The following ABCC9 variants were observed in gnomAD, a reference collection of about 807,000 sequenced individuals.
The protein encoded by ABCC9 is ATP-binding cassette sub-family C member 9.
Under a neutral mutation model 188.3 loss-of-function variants are expected in ABCC9, and 95 were observed. The ratio of observed to expected loss-of-function variants is 0.50; its 90% CI spans 0.43 to 0.60. The LOEUF (loss-of-function observed/expected upper bound fraction) is 0.60, where lower values mean the gene tolerates loss of function less well. Among genes scored for constraint, ABCC9 ranks in the 20% least tolerant of loss-of-function variants. The pLI is 0.00. For synonymous variants in ABCC9, 659 were observed against 652.7 expected, an observed-to-expected ratio of 1.01 and a Z score of -0.15; for missense variants, 1,102 against 1,876.3, an observed-to-expected ratio of 0.59 and a Z score of 7.62.
rs7980353 is a variant in ABCC9, at chr12:21,872,432, C to A, written c.2198+193G>T. ...TACTAGTTTATACTATTATAAACAA[C>A]CTTTGTAATAAATTGTTTTGTAACT... is the stretch of plus-strand genomic sequence containing the variant. On this transcript the variant is annotated intron_variant, in intron 18 of 39. Coordinates refer to ENST00000261200, the MANE Select transcript of ABCC9 (RefSeq NM_020297.4). 2.4e-3 allele frequency among the ~76,000 whole-genome samples: 361 copies of A among 152,176 alleles called. 1 individual carries two copies. Among genetic ancestry groups the A allele is most frequent in the African/African-American group, 8.3e-3 (346 of 41,538 alleles).
In ABCC9 at chr12:21,925,622, T is replaced by C. The variant is rs2277404; in HGVS notation, c.406+320A>G. 275,143 of 661,812 alleles carry C rather than the reference T, an allele frequency of 0.42. 61,094 individuals carry two copies. Among genetic ancestry groups the C allele is most frequent in the East Asian group, 0.53 (19,361 of 36,706 alleles). 41.0% of individuals were successfully genotyped at this position (661,812 alleles called of 1,614,324 possible). ...CGCAGCTCCTCACAAGAGCTCTGAT[T>C]CTTAAAATACAACTTCTGCAAGCCA... On this transcript the variant is annotated intron_variant, in intron 5 of 39. Transcript: ENST00000261200.
chr12:21,906,237 T>G lies in ABCC9; in HGVS notation c.1507A>C (p.Lys503Gln). The part of the protein sequence containing the change: ...KKTNEILKGI[K>Q]LLKLYAWEHI... ...TCCCAGGCATACAATTTTAGAAGTT[T>G]GATGCCTTTCAATATTTCATTTGTT... The change falls in exon 12 of 40, where the codon AAA becomes CAA. Residue 503 changes from lysine (K) to glutamine (Q), a missense_variant. Transcript: ENST00000261200. The G allele has an allele frequency of 1.9e-6, 3 of 1,612,952 alleles. No individual in the cohort carries two copies. The highest frequency in any genetic ancestry group is 2.5e-6 in the Non-Finnish European group (3 of 1,179,298).
chr12:21,902,069 T>G (rs1437829317), intron 12 of ABCC9, among the ~76,000 whole-genome samples: 2 of 152,154 alleles, frequency 1.3e-5, no homozygotes, highest in African/African-American at 4.8e-5. Flanking sequence ...TCAGCAAATG[T>G]AAAAGAACAG....
At chr12:21,858,808 A>G (rs1285398971) in intron 22 of ABCC9, among the ~76,000 whole-genome samples, 1 of 152,070 alleles carries the variant, frequency 6.6e-6, no homozygotes, top group Non-Finnish European at 1.5e-5. Context: ...TGGAGTGAAG[A>G]CTCTAAAAAT....
At chr12:21,870,158 T>A (rs961971426) in intron 18 of ABCC9, among the ~76,000 whole-genome samples, 1 of 152,200 alleles carries the variant, frequency 6.6e-6, no homozygotes, top group African/African-American at 2.4e-5. Context: ...AATTGGCACA[T>A]GGAATTTACT....
rs982107140 is a variant in ABCC9 at position 21,814,805 on chromosome 12, A to T, written c.4024-83T>A. On this transcript the variant is annotated intron_variant, in intron 34 of 39. Transcript: ENST00000261200. ...CTTAAGTTTTGTTTTTTAACTTAAG[A>T]TATTATGATAAAACTGTAATTATGT... 8 of 1,057,628 alleles carry T rather than the reference A, an allele frequency of 7.6e-6. No homozygotes were observed. The East Asian group carries it at 2.0e-4, about 26-fold the overall frequency. 65.5% of individuals were successfully genotyped at this position (1,057,628 alleles called of 1,614,324 possible). A position where few individuals can be genotyped will look rare whatever the true frequency, so the allele number is the denominator to read the frequency against.
At position 21,845,769 on chromosome 12, in the gene ABCC9, A is replaced by G; in HGVS notation, c.2930T>C (p.Met977Thr). ...GTAGCGCCAGCAGGTTTTCCATGGC[A>G]TTTTAGTCCTGAGCCTCATTACAGT... ...MSTVMRLRTKMPWKTCWRYLT... is the reference protein window; with the variant it reads ...MSTVMRLRTKTPWKTCWRYLT... The change falls in exon 26 of 40, where the codon ATG (methionine) becomes ACG (threonine). Residue 977 changes from methionine to threonine, a missense_variant. Physicochemically the swap from Met to Thr is moderately conservative, Grantham distance 81 (BLOSUM62 -1). Around this residue, in one of 12 missense-constraint regions of ABCC9, gnomAD observed 131 missense variants for 170.2 expected, o/e 0.77. Coordinates refer to ENST00000261200, the MANE Select transcript of ABCC9 (RefSeq NM_020297.4). 1 of 1,613,928 alleles carries G rather than the reference A, an allele frequency of 6.2e-7. No individual in the cohort carries two copies. The highest frequency in any genetic ancestry group is 8.5e-7 in the Non-Finnish European group (1 of 1,179,860).
chr12:21,931,213 A>G (rs867262994), intron 4 of ABCC9, among the ~76,000 whole-genome samples: 14 of 152,206 alleles, frequency 9.2e-5, no homozygotes, highest in African/African-American at 3.4e-4. Context: ...TCTCAACATT[A>G]TCAGTGAGTT....
Position 21,925,529 on chromosome 12 carries a change from G to A in ABCC9, c.406+413C>T, listed in dbSNP as rs1592249809. On this transcript the variant is annotated intron_variant, in intron 5 of 39. Coordinates refer to ENST00000261200, the MANE Select transcript of ABCC9 (RefSeq NM_020297.4). Reference sequence around the variant, plus strand: ...CTTGAACCTTGGGAAAATGTCCTTGGACTCCAAGCCAGAGACAGAAACACC... The same window carrying A: ...CTTGAACCTTGGGAAAATGTCCTTGAACTCCAAGCCAGAGACAGAAACACC... 5 of 702,434 alleles carry A rather than the reference G, an allele frequency of 7.1e-6. No individual in the cohort carries two copies. In the East Asian group the frequency reaches 1.3e-4, roughly 19 times the overall value. The allele number at this position is 702,434 out of a possible 1,614,324, so 43.5% of individuals were successfully genotyped here. A position where few individuals can be genotyped will look rare whatever the true frequency, so the allele number is the denominator to read the frequency against.
chr12:21,910,133 T>C, intron 10 of ABCC9, 24 bp downstream of exon 10: 1 of 1,597,906 alleles, frequency 6.3e-7, no homozygotes. Context: ...CAGACAAAAA[T>C]CTTACTTATA....
rs1941304954 is a variant in ABCC9, at chr12:21,799,053, C to T, written c.*1991G>A. ...ATAGGTGGGAATTGAACAATGAGATCACATGGACACAGGAAGGGGAATATC... is the reference window on the plus strand; with the variant it reads ...ATAGGTGGGAATTGAACAATGAGATTACATGGACACAGGAAGGGGAATATC... On this transcript the variant is annotated 3_prime_UTR_variant, in exon 40 of 40. Transcript: ENST00000261200. 7.1e-6 allele frequency: 1 copy of T among 141,364 alleles called. No homozygotes were observed. Among genetic ancestry groups the T allele is most frequent in the Admixed American group, 7.2e-5 (1 of 13,826 alleles). The allele number at this position is 141,364 out of a possible 1,614,324, so 8.8% of individuals were successfully genotyped here. A position where few individuals can be genotyped will look rare whatever the true frequency, so the allele number is the denominator to read the frequency against.
chr12:21,814,588 G>GT (rs113882813), intron 35 of ABCC9, 56 bp downstream of exon 35: 27 of 1,438,274 alleles, frequency 1.9e-5, no homozygotes, highest in Middle Eastern at 1.7e-4. Context: ...GTAAATTGAT[G>GT]TTTTTTTAAA....
intron 30 of ABCC9, among the ~76,000 whole-genome samples, chr12:21,833,711 T>G (rs1318383658): frequency 6.6e-6 from 1 of 152,196 alleles, no homozygotes; most frequent in Non-Finnish European, 1.5e-5. Context: ...TTCCTGAATC[T>G]ATTCAGATCC....
At chr12:21,898,141 G>A (rs1947515820) in intron 12 of ABCC9, among the ~76,000 whole-genome samples, 1 of 152,196 alleles carries the variant, frequency 6.6e-6, no homozygotes, top group African/African-American at 2.4e-5. Flanking sequence ...CTGGGTGATA[G>A]AGTGAGACCT....
intron 4 of ABCC9, among the ~76,000 whole-genome samples, chr12:21,929,014 G>T (rs180781697): frequency 1.1e-3 from 163 of 152,036 alleles, no homozygotes; most frequent in Non-Finnish European, 1.9e-3. Context: ...AAAGGTGAAA[G>T]AAATCATTTT....
Position 21,805,432 on chromosome 12 carries a change from G to A in ABCC9, c.4512+566C>T, listed in dbSNP as rs1565679961. On this transcript the variant is annotated intron_variant, in intron 39 of 39. Transcript: ENST00000261200. Reference sequence around the variant, plus strand: ...ATGAGCAAGAATCCACTTGCAAAGAGGAAAAGGCAGAAAACTGTGGACTAC... The same window carrying A: ...ATGAGCAAGAATCCACTTGCAAAGAAGAAAAGGCAGAAAACTGTGGACTAC... 1.2e-5 allele frequency: 11 copies of A among 911,192 alleles called. No homozygotes were observed. In the East Asian group the frequency reaches 2.8e-4, roughly 23 times the overall value. The allele number at this position is 911,192 out of a possible 1,614,324, so 56.4% of individuals were successfully genotyped here.
chr12:21,903,168 A>T (rs1263475444), intron 12 of ABCC9, among the ~76,000 whole-genome samples: 1 of 152,204 alleles, frequency 6.6e-6, no homozygotes, highest in Admixed American at 6.5e-5. Context: ...AAACAGAACC[A>T]AAGACAAAAA....
chr12:21,882,781 CTCTGTT>C lies in ABCC9; in HGVS notation c.1998_2003del (p.Thr667_Glu668del). 1 of 1,611,820 alleles carries C rather than the reference CTCTGTT, an allele frequency of 6.2e-7. No individual in the cohort carries two copies. Among genetic ancestry groups the C allele is most frequent in the Non-Finnish European group, 8.5e-7 (1 of 1,177,998 alleles). On this transcript the variant is annotated inframe_deletion, in exon 16 of 40. Coordinates refer to ENST00000261200, the MANE Select transcript of ABCC9 (RefSeq NM_020297.4). ...TAAAAATAACCTTTATTGCAATGTC[CTCTGTT>C]TCTGCGGGACGTAGACGCCGTGTTG...
At chr12:21,886,727 G>A (rs867060216) in intron 15 of ABCC9, among the ~76,000 whole-genome samples, 4 of 151,758 alleles carry the variant, frequency 2.6e-5, no homozygotes, top group African/African-American at 4.8e-5. Context: ...CATTGTTCTC[G>A]CATCATCTCA....
Sources: gnomAD v4.1 joint callset for allele counts (sites outside exome capture counted in the v4.1 genomes callset) on GRCh38, gnomAD v4.1.1 for gene constraint, gnomAD v4.1.1 regional missense constraint, MANE v1.5 for transcripts, NCBI Gene and HGNC (gene_info 2026-07-23, HGNC 2026-07-21) for gene names.